Variants in ERG observed in about 807,000 individuals in gnomAD.
ERG encodes ETS transcription factor ERG, also known as transcriptional regulator ERG.
A neutral mutation model predicts 55.3 loss-of-function variants in ERG; 9 were observed. The observed-to-expected ratio is 0.16, with a 90% CI of 0.10 to 0.28. The LOEUF (loss-of-function observed/expected upper bound fraction) is 0.28, where lower values mean the gene tolerates loss of function less well. ERG is among the 10% of genes least tolerant of loss of function. The pLI is 1.00. For missense variants in ERG, 434 were observed against 631.6 expected, an observed-to-expected ratio of 0.69 and a Z score of 3.35; for synonymous variants, 223 against 237.3, an observed-to-expected ratio of 0.94 and a Z score of 0.55.
chr21:38,464,123 G>A (rs1218604208), intron 1 of ERG, among the ~76,000 whole-genome samples: 4 of 151,962 alleles, frequency 2.6e-5, no homozygotes, highest in African/African-American at 9.7e-5. Flanking sequence ...AATTCCCTTG[G>A]CAAACCAAAT....
chr21:38,385,631 GCAACA>G (rs1569055460), intron 9 of ERG, among the ~76,000 whole-genome samples: 1 of 152,146 alleles, frequency 6.6e-6, no homozygotes, highest in African/African-American at 2.4e-5. Context: ...TTTCAGTCTA[GCAACA>G]CATTTGAAAT....
At chr21:38,451,058 A>G (rs1479533350) in intron 1 of ERG, 1 of 434,970 alleles carries the variant, frequency 2.3e-6, no homozygotes, top group Non-Finnish European at 4.6e-6. Flanking sequence ...TTGGATTAAG[A>G]AAAGTCACAC....
At chr21:38,509,315 T>G (rs970727228) in intron 2 of ERG, among the ~76,000 whole-genome samples, 1 of 152,200 alleles carries the variant, frequency 6.6e-6, no homozygotes, top group African/African-American at 2.4e-5. Context: ...TTCATCAATC[T>G]TGATTGGCAT....
chr21:38,512,108 T>C (rs2059516828), intron 2 of ERG, among the ~76,000 whole-genome samples: 1 of 152,180 alleles, frequency 6.6e-6, no homozygotes, highest in Non-Finnish European at 1.5e-5. Flanking sequence ...AGCTGGTACA[T>C]ATACAAGAGT....
intron 1 of ERG, among the ~76,000 whole-genome samples, chr21:38,648,042 G>A (rs1455317455): frequency 2.0e-5 from 3 of 152,166 alleles, no homozygotes; most frequent in Admixed American, 6.5e-5. Context: ...TCTTTGCCTT[G>A]CAAAGCCCAT....
intron 6 of ERG, among the ~76,000 whole-genome samples, chr21:38,397,826 T>A (rs1178692130): frequency 6.6e-6 from 1 of 151,966 alleles, no homozygotes; most frequent in Admixed American, 6.5e-5. Flanking sequence ...AACACCACTG[T>A]CTCCTCTATC....
rs968569145 is a variant in ERG at position 38,403,694 on chromosome 21, C to T, written c.404G>A (p.Ser135Asn). 3 of 1,614,072 alleles carry T rather than the reference C, an allele frequency of 1.9e-6. No homozygotes were observed. The African/African-American group carries it at 4.0e-5, about 22-fold the overall frequency. ...VIVPADPTLW[S>N]TDHVRQWLEW... is the part of the protein sequence containing the mutation. ...CAGCCACTGCCGCACATGGTCTGTA[C>T]TCCATAGCGTAGGATCTGAAAGGGG... The change falls in exon 4 of 10, where the codon AGT becomes AAT. Residue 135 changes from serine to asparagine, a missense_variant. Ser to Asn is a conservative substitution (Grantham distance 46). Around this residue, in one of 5 missense-constraint regions of ERG, gnomAD observed 212 missense variants for 262.9 expected, o/e 0.81. Transcript: ENST00000288319.
At chr21:38,477,186 C>A (rs376065038) in intron 1 of ERG, among the ~76,000 whole-genome samples, 30 of 151,830 alleles carry the variant, frequency 2.0e-4, no homozygotes, top group African/African-American at 5.6e-4. Flanking sequence ...ACTAATTTTT[C>A]TGTTTTTTGT....
At chr21:38,572,522 C>T (rs2059965504) in intron 2 of ERG, among the ~76,000 whole-genome samples, 1 of 152,146 alleles carries the variant, frequency 6.6e-6, no homozygotes, top group African/African-American at 2.4e-5. Flanking sequence ...ATCCTCCCAA[C>T]TTTGTTGTCA....
At chr21:38,590,417 T>C (rs987492812) in intron 1 of ERG, among the ~76,000 whole-genome samples, 36 of 152,226 alleles carry the variant, frequency 2.4e-4, no homozygotes, top group African/African-American at 8.4e-4. Context: ...AAAGAGTCTT[T>C]CACCTGTATG....
chr21:38,386,924 A>G (rs2146418799), intron 9 of ERG, among the ~76,000 whole-genome samples: 1 of 152,320 alleles, frequency 6.6e-6, no homozygotes, highest in Non-Finnish European at 1.5e-5. Flanking sequence ...GTCCACCTAC[A>G]GAGAACCCTG....
intron 1 of ERG, among the ~76,000 whole-genome samples, chr21:38,602,288 C>CA (rs765160609): frequency 6.6e-6 from 1 of 151,476 alleles, no homozygotes; most frequent in Non-Finnish European, 1.5e-5. Flanking sequence ...ACTAAAAATA[C>CA]AAAAAAATTA....
upstream of ERG, among the ~76,000 whole-genome samples, chr21:38,585,532 C>CCTTTTTTTTTTTTTTTTTT (rs2060057615): frequency 3.4e-5 from 2 of 59,270 alleles, no homozygotes; most frequent in African/African-American, 5.6e-5. Flanking sequence ...TCTCTCTCTT[C>CCTTTTTTTTTTTTTTTTTT]TTTTTTTTTT....
chr21:38,512,692 G>GTAAC (rs1173552214), intron 2 of ERG, among the ~76,000 whole-genome samples: 2 of 152,154 alleles, frequency 1.3e-5, no homozygotes, highest in Non-Finnish European at 2.9e-5. Flanking sequence ...GGATCATGGA[G>GTAAC]TAACTGCCCC....
chr21:38,632,163 T>C (rs570978487), intron 1 of ERG, among the ~76,000 whole-genome samples: 36 of 152,196 alleles, frequency 2.4e-4, no homozygotes, highest in African/African-American at 8.4e-4. Context: ...AATATAACTT[T>C]GGATAAGCTG....
chr21:38,605,028 T>A (rs923670727), intron 1 of ERG, among the ~76,000 whole-genome samples: 1 of 152,240 alleles, frequency 6.6e-6, no homozygotes, highest in African/African-American at 2.4e-5. Flanking sequence ...AATATTTTTC[T>A]CCATCTGTCC....
chr21:38,606,047 T>A (rs1386335882), intron 1 of ERG, among the ~76,000 whole-genome samples: 2 of 149,074 alleles, frequency 1.3e-5, no homozygotes, highest in African/African-American at 2.4e-5. Flanking sequence ...TGATAAATGA[T>A]AAATGATTGA....
At chr21:38,453,329 G>T (rs775466562) in intron 1 of ERG, among the ~76,000 whole-genome samples, 4 of 152,228 alleles carry the variant, frequency 2.6e-5, no homozygotes, top group African/African-American at 7.2e-5. Context: ...GTGAAAGATT[G>T]GAGCATGGTA....
chr21:38,651,895 C>T (rs73220107), intron 1 of ERG, among the ~76,000 whole-genome samples: 3,161 of 152,248 alleles, frequency 0.021, 39 homozygotes, highest in Non-Finnish European at 0.03. Flanking sequence ...CACTCCTGAG[C>T]CTCACTGCTA....
Sources: allele counts gnomAD v4.1 joint callset (sites outside exome capture counted in the v4.1 genomes callset), GRCh38; gene constraint gnomAD v4.1.1; regional missense constraint gnomAD v4.1.1; transcripts MANE v1.5; gene names NCBI Gene and HGNC (gene_info 2026-07-23, HGNC 2026-07-21).